Variants in PIR observed in about 807,000 individuals in gnomAD.
PIR encodes the protein pirin (iron-binding nuclear protein).
A neutral mutation model predicts 24.2 loss-of-function variants in PIR; 22 were observed. The ratio of observed to expected loss-of-function variants is 0.91; its 90% confidence interval spans 0.65 to 1.30. The LOEUF is 1.30. PIR is among the 50% of genes most tolerant of loss of function. The probability of loss-of-function intolerance (pLI) is 0.00; values close to 1 mark genes in which losing one functional copy is unlikely to be tolerated. For missense variants in PIR, 220 were observed against 220.3 expected (o/e 1.00, Z 0.01); for synonymous variants, 80 against 79.6 (o/e 1.00, Z -0.03).
chrX:15,431,905 C>T (rs1305614085), intron 5 of PIR, among the ~76,000 whole-genome samples: 1 of 110,395 alleles, frequency 9.1e-6, no homozygotes, highest in Non-Finnish European at 1.9e-5. Flanking sequence ...TTAAAAAGTG[C>T]CCATCTCATC....
chrX:15,415,688 C>T (rs781346510), intron 6 of PIR, among the ~76,000 whole-genome samples: 1 of 111,524 alleles, frequency 9.0e-6, no homozygotes, highest in South Asian at 3.7e-4. Context: ...TAGTTAAATT[C>T]AGTCATTCCA....
intron 5 of PIR, among the ~76,000 whole-genome samples, chrX:15,437,305 G>T (rs1045639439): frequency 2.0e-4 from 22 of 111,981 alleles, no homozygotes; most frequent in Non-Finnish European, 4.1e-4. Flanking sequence ...AGTACCAGAA[G>T]AAAATGGAAC....
intron 2 of PIR, among the ~76,000 whole-genome samples, chrX:15,488,259 C>T (rs1337767833): frequency 1.5e-5 from 1 of 67,936 alleles, no homozygotes; most frequent in African/African-American, 6.1e-5. Flanking sequence ...GCCTGGGCAA[C>T]AAGAGCGAAA....
intron 5 of PIR, among the ~76,000 whole-genome samples, chrX:15,438,095 C>T (rs940277843): frequency 8.9e-6 from 1 of 112,563 alleles, no homozygotes; most frequent in Non-Finnish European, 1.9e-5. Flanking sequence ...TGAATATGGC[C>T]TCCTGTGTAT....
chrX:15,492,939 T>C (rs1923237598), intron 1 of PIR, among the ~76,000 whole-genome samples: 1 of 112,131 alleles, frequency 8.9e-6, no homozygotes, highest in South Asian at 3.7e-4. Context: ...CCCATCTAGA[T>C]TATGTCTGGG....
intron 2 of PIR, among the ~76,000 whole-genome samples, chrX:15,480,721 A>G (rs1255139984): frequency 8.9e-6 from 1 of 112,318 alleles, no homozygotes; most frequent in Non-Finnish European, 1.9e-5. Context: ...GCAGAAAAAC[A>G]GCTTGGCATG....
intron 3 of PIR, among the ~76,000 whole-genome samples, chrX:15,468,092 C>G (rs955640593): frequency 8.0e-5 from 9 of 112,484 alleles, no homozygotes; most frequent in African/African-American, 2.9e-4. Context: ...GAATGGTTTG[C>G]TAACTTCTAT....
At chrX:15,439,316 G>C (rs1436336701) in intron 5 of PIR, among the ~76,000 whole-genome samples, 1 of 112,483 alleles carries the variant, frequency 8.9e-6, no homozygotes, top group African/African-American at 3.2e-5. Flanking sequence ...GTAACAAAAA[G>C]TGTGAACTAT....
chrX:15,433,552 AAG>A (rs1569201533), intron 5 of PIR, among the ~76,000 whole-genome samples: 1 of 86,387 alleles, frequency 1.2e-5, no homozygotes, highest in African/African-American at 4.4e-5. Flanking sequence ...AAGAGAGAGA[AAG>A]AAAGAAAGAG....
chrX:15,425,411 C>CTTTTTTTTTT (rs756160029), intron 6 of PIR, among the ~76,000 whole-genome samples: 4 of 92,113 alleles, frequency 4.3e-5, no homozygotes, highest in African/African-American at 1.7e-4. Context: ...TTCTTTCTTT[C>CTTTTTTTTTT]TTTTTTTTTT....
In PIR at chrX:15,456,000, G is replaced by T. The variant is rs147114611; in HGVS notation, c.328C>A (p.Pro110Thr). 310 of 1,209,600 alleles carry T rather than the reference G, an allele frequency of 2.6e-4. No homozygotes were observed. Among genetic ancestry groups the T allele is most frequent in the Non-Finnish European group, 3.2e-4 (284 of 894,805 alleles). ...ACCCACAGTTGTAGGCCATGGGCTGGCTCCTCTGAGCAAGGCATCTCAGCG... is the reference window on the plus strand; with the variant it reads ...ACCCACAGTTGTAGGCCATGGGCTGTCTCCTCTGAGCAAGGCATCTCAGCG... ...LHAEMPCSEEPAHGLQLWVNL... is the reference protein window; with the variant it reads ...LHAEMPCSEETAHGLQLWVNL... Residue 110 changes from proline to threonine, a missense_variant, in exon 5 of 10, where the codon CCA becomes ACA. Pro to Thr is a conservative substitution (Grantham distance 38, BLOSUM62 -1). Coordinates refer to ENST00000380420, the MANE Select transcript of PIR (RefSeq NM_001018109.3).
chrX:15,421,476 T>C (rs923265047), intron 6 of PIR, among the ~76,000 whole-genome samples: 2 of 110,228 alleles, frequency 1.8e-5, no homozygotes, highest in Non-Finnish European at 1.9e-5. Flanking sequence ...ACTGAGACCA[T>C]AGAAATACAA....
chrX:15,386,683 G>A (rs974018292), intron 9 of PIR, among the ~76,000 whole-genome samples: 1 of 111,404 alleles, frequency 9.0e-6, no homozygotes, highest in African/African-American at 3.3e-5. Flanking sequence ...ACGGAGGAAA[G>A]GCATGTTCAG....
chrX:15,478,030 A>G (rs1427450257), intron 3 of PIR, among the ~76,000 whole-genome samples: 1 of 100,372 alleles, frequency 1.0e-5, no homozygotes, highest in East Asian at 3.5e-4. Context: ...CCCCCCAGAA[A>G]GCATTTTCCA....
chrX:15,478,021 C>G (rs985620977), intron 3 of PIR, among the ~76,000 whole-genome samples: 2 of 83,494 alleles, frequency 2.4e-5, no homozygotes, highest in Admixed American at 1.5e-4. Context: ...TATTCCCCCC[C>G]CCCCAGAAAG....
rs1244737882 is a variant in PIR at position 15,405,486 on chromosome X, G to C, written c.610+2020C>G. On this transcript the variant is annotated intron_variant, in intron 7 of 9. Coordinates refer to ENST00000380420, the MANE Select transcript of PIR (RefSeq NM_001018109.3). Reference sequence around the variant, plus strand: ...AATATTTGTGATCTGTCCTTTTACAGAAAGTTTGCTTCTCCCTGCTTTTTC... The same window carrying C: ...AATATTTGTGATCTGTCCTTTTACACAAAGTTTGCTTCTCCCTGCTTTTTC... Among the ~76,000 whole-genome samples the C allele has an allele frequency of 5.3e-5, 6 of 112,191 alleles. No homozygotes were observed. In the Admixed American group the frequency reaches 5.7e-4, roughly 11 times the overall value.
At chrX:15,441,590 G>A (rs1278973223) in intron 5 of PIR, among the ~76,000 whole-genome samples, 2 of 110,901 alleles carry the variant, frequency 1.8e-5, no homozygotes, top group Non-Finnish European at 1.9e-5. Flanking sequence ...GGGAATGTTC[G>A]AAGGAGCCTC....
At chrX:15,453,256 C>T (rs1355403256) in intron 5 of PIR, among the ~76,000 whole-genome samples, 1 of 112,168 alleles carries the variant, frequency 8.9e-6, no homozygotes, top group Non-Finnish European at 1.9e-5. Context: ...TAAATCTCAG[C>T]CCAGCTCCTG....
intron 5 of PIR, among the ~76,000 whole-genome samples, chrX:15,445,335 T>C (rs1926050944): frequency 9.0e-6 from 1 of 110,614 alleles, no homozygotes; most frequent in Admixed American, 9.6e-5. Flanking sequence ...TCTTGAACAA[T>C]GAGAACACTT....
Sources: gnomAD v4.1 joint callset for allele counts (sites outside exome capture counted in the v4.1 genomes callset) on GRCh38, gnomAD v4.1.1 for gene constraint, MANE v1.5 for transcripts, NCBI Gene and HGNC (gene_info 2026-07-23, HGNC 2026-07-21) for gene names.